Variants in MALRD1 observed in about 807,000 individuals in gnomAD.
MALRD1 encodes the protein MAM and LDL receptor class A domain containing 1.
Under a neutral mutation model 242.1 loss-of-function variants are expected in MALRD1, and 247 were observed. The ratio of observed to expected loss-of-function variants is 1.02; its 90% CI spans 0.92 to 1.13. MALRD1 has a LOEUF of 1.13. MALRD1 is among the 50% of genes most tolerant of loss of function. MALRD1 has a pLI of 0.00. For missense variants in MALRD1, 2,989 were observed against 2,533.1 expected (o/e 1.18, Z -3.86); for synonymous variants, 995 against 866.6 (o/e 1.15, Z -2.60).
intron 28 of MALRD1, among the ~76,000 whole-genome samples, chr10:19,391,787 C>A (rs1252437699): frequency 6.6e-6 from 1 of 152,190 alleles, no homozygotes; most frequent in Non-Finnish European, 1.5e-5. Flanking sequence ...TCTAGTTCAA[C>A]CAACTGATTG....
In MALRD1 at chr10:19,285,705, C is replaced by A. The variant is rs1043076981; in HGVS notation, c.3419+2524C>A. ...GTAGTGTGATGCCTCCAGCTTTGTT[C>A]TTTTGGCTCAGGATTGACTTGGCGA... On this transcript the variant is annotated intron_variant, in intron 21 of 39. Coordinates refer to ENST00000454679, the MANE Select transcript of MALRD1 (RefSeq NM_001142308.3). 9.0e-3 allele frequency among the ~76,000 whole-genome samples: 1,167 copies of A among 130,178 alleles called. 124 individuals are homozygous for A. Among genetic ancestry groups the A allele is most frequent in the Admixed American group, 0.088 (1,085 of 12,350 alleles). 85.4% of individuals were successfully genotyped at this position (130,178 alleles called of 152,430 possible). A position where few individuals can be genotyped will look rare whatever the true frequency, so the allele number is the denominator to read the frequency against.
chr10:19,399,679 A>G (rs1048131786), intron 28 of MALRD1, among the ~76,000 whole-genome samples: 3 of 152,228 alleles, frequency 2.0e-5, no homozygotes, highest in Admixed American at 1.3e-4. Context: ...TATCTCTGTA[A>G]GAAATGAATA....
chr10:19,441,774 C>G (rs1834667027), intron 28 of MALRD1, among the ~76,000 whole-genome samples: 1 of 152,012 alleles, frequency 6.6e-6, no homozygotes, highest in African/African-American at 2.4e-5. Context: ...ATGATGCCTC[C>G]AGCTTTGTTC....
chr10:19,358,326 T>C (rs975707167), intron 26 of MALRD1, among the ~76,000 whole-genome samples: 1 of 151,982 alleles, frequency 6.6e-6, no homozygotes, highest in Non-Finnish European at 1.5e-5. Context: ...AAAAAACGTA[T>C]GTAAAACAAT....
At chr10:19,139,851 G>T (rs1833479640) in intron 10 of MALRD1, among the ~76,000 whole-genome samples, 2 of 152,212 alleles carry the variant, frequency 1.3e-5, no homozygotes, top group African/African-American at 4.8e-5. Context: ...AAGGTCCCAG[G>T]TGACTTGTCT....
intron 5 of MALRD1, among the ~76,000 whole-genome samples, chr10:19,111,759 C>T (rs773153228): frequency 7.2e-5 from 11 of 152,148 alleles, no homozygotes; most frequent in Admixed American, 1.3e-4. Context: ...ATGAGGTCAC[C>T]TGGTATGTTC....
At chr10:19,245,839 C>T (rs996049112) in intron 18 of MALRD1, among the ~76,000 whole-genome samples, 5 of 152,118 alleles carry the variant, frequency 3.3e-5, no homozygotes, top group African/African-American at 1.2e-4. Flanking sequence ...AAGTGCCATG[C>T]TATTGAATGT....
rs1440272330 is a variant in MALRD1, at chr10:19,352,201, C to T, written c.4345C>T (p.Arg1449Cys). ...KFEGRVGKGQ[R>C]GDIALDDIVL... ...TGAAGGTAGAGTTGGGAAAGGTCAG[C>T]GTGGAGACATTGCACTTGATGACAT... Residue 1449 changes from arginine to cysteine, a missense_variant, in exon 26 of 40, where the codon CGT becomes TGT. By Grantham distance (180) the Arg-to-Cys change is radical. Coordinates refer to ENST00000454679, the MANE Select transcript of MALRD1 (RefSeq NM_001142308.3). The T allele has an allele frequency of 2.5e-5, 39 of 1,550,232 alleles. No homozygotes were observed. The Middle Eastern group carries it at 1.2e-3, about 46-fold the overall frequency.
chr10:19,070,112 C>T (rs1349541552), intron 2 of MALRD1, among the ~76,000 whole-genome samples: 29 of 151,944 alleles, frequency 1.9e-4, no homozygotes, highest in Non-Finnish European at 1.5e-5. Flanking sequence ...ATTTTTTTCC[C>T]TTGTTACCTT....
At chr10:19,609,957 TATGATG>T (rs3069622) in intron 35 of MALRD1, among the ~76,000 whole-genome samples, 1 of 151,498 alleles carries the variant, frequency 6.6e-6, no homozygotes, top group Admixed American at 6.6e-5. Context: ...TGGTGGTGAT[TATGATG>T]ATGATGATGA....
At chr10:19,662,816 C>A (rs1278824784) in intron 36 of MALRD1, among the ~76,000 whole-genome samples, 2 of 152,048 alleles carry the variant, frequency 1.3e-5, no homozygotes. Flanking sequence ...AATCAAAAAT[C>A]TGAAAACTCA....
At chr10:19,154,462 G>C (rs1255901128) in intron 11 of MALRD1, among the ~76,000 whole-genome samples, 1 of 152,136 alleles carries the variant, frequency 6.6e-6, no homozygotes, top group African/African-American at 2.4e-5. Context: ...TCAATATTCA[G>C]TGAAACTACC....
At chr10:19,478,037 G>C (rs1836823031) in intron 29 of MALRD1, among the ~76,000 whole-genome samples, 1 of 152,130 alleles carries the variant, frequency 6.6e-6, no homozygotes, top group East Asian at 1.9e-4. Context: ...AATTTTACAG[G>C]CTGCTCTTTG....
At chr10:19,246,013 G>T (rs568083333) in intron 18 of MALRD1, among the ~76,000 whole-genome samples, 1 of 152,212 alleles carries the variant, frequency 6.6e-6, no homozygotes, top group African/African-American at 2.4e-5. Flanking sequence ...TATAAAAAAC[G>T]ATGATGTGTT....
intron 28 of MALRD1, among the ~76,000 whole-genome samples, chr10:19,419,555 G>C (rs1350598930): frequency 6.6e-6 from 1 of 152,014 alleles, no homozygotes; most frequent in Non-Finnish European, 1.5e-5. Context: ...CCTGGCCTCA[G>C]GTAGTCTGCT....
intron 11 of MALRD1, among the ~76,000 whole-genome samples, chr10:19,153,679 A>T (rs964746521): frequency 6.8e-6 from 1 of 147,816 alleles, no homozygotes; most frequent in African/African-American, 2.5e-5. Context: ...ACAGAGCCAG[A>T]CCCTGTCTCA....
At position 19,288,972 on chromosome 10, in the gene MALRD1, T is replaced by C. The variant is rs181257765; in HGVS notation, c.3419+5791T>C. On this transcript the variant is annotated intron_variant, in intron 21 of 39. Transcript: ENST00000454679. ...TCAGGCTGATTTCCCCCCTCCCTGCTTTTGGATCTCTCTTTTGTCATTGTT... is the reference window on the plus strand; with the variant it reads ...TCAGGCTGATTTCCCCCCTCCCTGCCTTTGGATCTCTCTTTTGTCATTGTT... Among the ~76,000 whole-genome samples the C allele has an allele frequency of 1.6e-3, 251 of 152,270 alleles. 1 individual carries two copies. Among genetic ancestry groups the C allele is most frequent in the African/African-American group, 5.6e-3 (233 of 41,574 alleles).
intron 28 of MALRD1, among the ~76,000 whole-genome samples, chr10:19,449,369 G>A (rs907266570): frequency 6.6e-6 from 1 of 152,064 alleles, no homozygotes; most frequent in African/African-American, 2.4e-5. Context: ...TAGAGATGGG[G>A]TTTCACCATA....
chr10:19,186,646 T>C (rs1835748774), intron 14 of MALRD1, among the ~76,000 whole-genome samples: 1 of 152,236 alleles, frequency 6.6e-6, no homozygotes, highest in East Asian at 1.9e-4. Flanking sequence ...AGATTATTAA[T>C]GGTGACTGTG....
Sources: gnomAD v4.1 joint callset for allele counts (sites outside exome capture counted in the v4.1 genomes callset) on GRCh38, gnomAD v4.1.1 for gene constraint, MANE v1.5 for transcripts, NCBI Gene and HGNC (gene_info 2026-07-23, HGNC 2026-07-21) for gene names.